LRRC75A: variants seen among roughly 807,000 people sequenced by gnomAD.
The protein encoded by LRRC75A is leucine-rich repeat-containing protein 75A.
In LRRC75A, 12 loss-of-function variants were observed where a neutral mutation model predicts 26.0. The observed-to-expected ratio is 0.46, with a 90% confidence interval of 0.30 to 0.75. LRRC75A has a LOEUF of 0.75. Among genes scored for constraint, LRRC75A ranks in the 30% least tolerant of loss-of-function variants. The pLI, the probability that LRRC75A is intolerant of heterozygous loss-of-function variation, is 0.08. For missense variants in LRRC75A, 410 were observed against 486.6 expected, an observed-to-expected ratio of 0.84 and a Z score of 1.48; for synonymous variants, 223 against 219.3, an observed-to-expected ratio of 1.02 and a Z score of -0.15.
intron 1 of LRRC75A, among the ~76,000 whole-genome samples, chr17:16,474,120 G>T (rs1355104395): frequency 6.6e-6 from 1 of 152,114 alleles, no homozygotes; most frequent in Non-Finnish European, 1.5e-5. Flanking sequence ...CCATATGAAG[G>T]GTTTTGTCTG....
rs1350048201 is a variant in LRRC75A at position 16,443,318 on chromosome 17, T to C, written c.*270A>G. The C allele has an allele frequency of 2.3e-5, 10 of 441,314 alleles. No homozygotes were observed. Among genetic ancestry groups the C allele is most frequent in the Non-Finnish European group, 4.0e-5 (10 of 248,244 alleles). The allele number at this position is 441,314 out of a possible 1,614,324, so 27.3% of individuals were successfully genotyped here. A position where few individuals can be genotyped will look rare whatever the true frequency, so the allele number is the denominator to read the frequency against. On this transcript the variant is annotated 3_prime_UTR_variant, in exon 4 of 4. Coordinates refer to ENST00000470794, the MANE Select transcript of LRRC75A (RefSeq NM_001113567.3). ...TTCCACAAGTCTTTGGGGAAGGCCA[T>C]GAGCTGAGCTGAGAGGGTTCTCTGG...
chr17:16,445,692 C>G (rs147311808), intron 3 of LRRC75A, among the ~76,000 whole-genome samples: 112 of 152,344 alleles, frequency 7.4e-4, no homozygotes, highest in African/African-American at 2.6e-3. Context: ...GTAAAACTCT[C>G]AAGGCGTGAC....
intron 2 of LRRC75A, among the ~76,000 whole-genome samples, chr17:16,458,655 G>A (rs2093704291): frequency 6.6e-6 from 1 of 151,942 alleles, no homozygotes; most frequent in Admixed American, 6.6e-5. Flanking sequence ...AGTAGAGATG[G>A]GGTTTCTCCA....
chr17:16,463,195 A>G (rs979428161), intron 1 of LRRC75A: 15 of 152,052 alleles, frequency 9.9e-5, no homozygotes, highest in African/African-American at 3.6e-4. Flanking sequence ...ACCTTCATCT[A>G]AAGTAGGTCA....
At chr17:16,476,784 G>C (rs548456320) in intron 1 of LRRC75A, among the ~76,000 whole-genome samples, 138 of 135,618 alleles carry the variant, frequency 1.0e-3, no homozygotes, top group Non-Finnish European at 1.7e-3. Flanking sequence ...TATCACCCAG[G>C]CTGGAGTGCA....
At chr17:16,485,309 C>T (rs930471597) in intron 1 of LRRC75A, among the ~76,000 whole-genome samples, 5 of 152,276 alleles carry the variant, frequency 3.3e-5, no homozygotes, top group East Asian at 1.9e-4. Context: ...GTGATGGTAT[C>T]GGGAGGTGGG....
At position 16,443,971 on chromosome 17, in the gene LRRC75A, TGTCGTCC is replaced by T; in HGVS notation, c.645_651del (p.Asp216TrpfsTer25). The T allele has an allele frequency of 6.2e-7, 1 of 1,613,608 alleles. No homozygotes were observed. The highest frequency in any genetic ancestry group is 1.1e-5 in the South Asian group (1 of 91,080). On this transcript the variant is annotated frameshift_variant, in exon 4 of 4. Coordinates refer to ENST00000470794, the MANE Select transcript of LRRC75A (RefSeq NM_001113567.3). LOFTEE classifies it high-confidence loss of function. ...AGTGCTGGCAGCAGCTGCAGGACCA[TGTCGTCC>T]GTGAGGCCTGTGAAGCCCAGCTCCA...
intron 1 of LRRC75A, among the ~76,000 whole-genome samples, chr17:16,489,194 A>T (rs972058632): frequency 1.3e-5 from 2 of 152,226 alleles, no homozygotes; most frequent in African/African-American, 4.8e-5. Flanking sequence ...CCCACCAGCC[A>T]TATGGCTCTG....
intron 1 of LRRC75A, among the ~76,000 whole-genome samples, chr17:16,482,480 G>C (rs796081379): frequency 2.6e-4 from 40 of 152,300 alleles, no homozygotes; most frequent in African/African-American, 9.1e-4. Flanking sequence ...GCAGGAGAGG[G>C]ACAGGCTTGA....
At position 16,444,852 on chromosome 17, in the gene LRRC75A, A is replaced by ATTT. The variant is rs5819573; in HGVS notation, c.492-724_492-722dup. ...CAGTGGTGAGATGTTCATTTTCCACATTTTTTTTTTTTTTTGGAGACAGTC... is the reference window on the plus strand; with the variant it reads ...CAGTGGTGAGATGTTCATTTTCCACATTTTTTTTTTTTTTTTTTGGAGACAGTC... On this transcript the variant is annotated intron_variant, in intron 3 of 3. Transcript: ENST00000470794. 1.8e-3 allele frequency among the ~76,000 whole-genome samples: 236 copies of ATTT among 132,528 alleles called. 2 individuals carry two copies. Among genetic ancestry groups the ATTT allele is most frequent in the African/African-American group, 6.3e-3 (220 of 35,134 alleles). The allele number at this position is 132,528 out of a possible 152,430, so 86.9% of individuals were successfully genotyped here. A position where few individuals can be genotyped will look rare whatever the true frequency, so the allele number is the denominator to read the frequency against.
intron 2 of LRRC75A, among the ~76,000 whole-genome samples, chr17:16,454,459 A>AG (rs1483578612): frequency 3.3e-5 from 5 of 151,998 alleles, no homozygotes; most frequent in South Asian, 2.1e-4. Flanking sequence ...TGGGAGGCAG[A>AG]GGGGGGCGGA....
intron 2 of LRRC75A, among the ~76,000 whole-genome samples, chr17:16,449,532 C>T (rs562716811): frequency 6.6e-6 from 1 of 152,184 alleles, no homozygotes; most frequent in Admixed American, 6.5e-5. Context: ...ACCGTGATAG[C>T]GGCACCAGCA....
At chr17:16,482,566 C>G (rs1038304029) in intron 1 of LRRC75A, among the ~76,000 whole-genome samples, 1 of 152,186 alleles carries the variant, frequency 6.6e-6, no homozygotes, top group African/African-American at 2.4e-5. Context: ...ACGGGGCTTC[C>G]CACAGGTCCT....
At chr17:16,488,032 A>G (rs1189756469) in intron 1 of LRRC75A, among the ~76,000 whole-genome samples, 1 of 152,226 alleles carries the variant, frequency 6.6e-6, no homozygotes. Flanking sequence ...CTGCTGCTCC[A>G]TGACGCAGGC....
In LRRC75A at chr17:16,443,150, A is replaced by G; in HGVS notation, c.*438T>C. ...ATTCCCACCTTCCTTGAGTGGGGAC[A>G]CATTCCTCTGGTTGGAGCTTGTTCC... On this transcript the variant is annotated 3_prime_UTR_variant, in exon 4 of 4. Transcript: ENST00000470794. 1 of 160,494 alleles carries G rather than the reference A, an allele frequency of 6.2e-6. No individual in the cohort carries two copies. The highest frequency in any genetic ancestry group is 1.4e-5 in the Non-Finnish European group (1 of 73,832). The allele number at this position is 160,494 out of a possible 1,614,324, so 9.9% of individuals were successfully genotyped here. A position where few individuals can be genotyped will look rare whatever the true frequency, so the allele number is the denominator to read the frequency against.
intron 2 of LRRC75A, among the ~76,000 whole-genome samples, chr17:16,451,433 C>T (rs2093629522): frequency 6.6e-6 from 1 of 151,952 alleles, no homozygotes. Flanking sequence ...TCAGCCTGGC[C>T]AACATGGCAA....
chr17:16,460,252 G>C (rs1174113653), intron 2 of LRRC75A, among the ~76,000 whole-genome samples: 1 of 152,118 alleles, frequency 6.6e-6, no homozygotes, highest in African/African-American at 2.4e-5. Context: ...AATTTCTACT[G>C]TTTGTAAGCC....
chr17:16,472,484 C>A (rs941621852), intron 1 of LRRC75A, among the ~76,000 whole-genome samples: 1 of 152,190 alleles, frequency 6.6e-6, no homozygotes, highest in Non-Finnish European at 1.5e-5. Flanking sequence ...GTGGGCTTGA[C>A]TGCTCCAGAG....
At chr17:16,468,980 T>A (rs551284496) in intron 1 of LRRC75A, among the ~76,000 whole-genome samples, 1 of 152,376 alleles carries the variant, frequency 6.6e-6, no homozygotes, top group Admixed American at 6.5e-5. Context: ...GACACTTGGT[T>A]ATTAAACATT....
Sources: allele counts gnomAD v4.1 joint callset (sites outside exome capture counted in the v4.1 genomes callset), GRCh38; gene constraint gnomAD v4.1.1; transcripts MANE v1.5; gene names NCBI Gene and HGNC (gene_info 2026-07-23, HGNC 2026-07-21).